Variants in VLDLR observed in about 807,000 individuals in gnomAD.
The protein encoded by VLDLR is very low-density lipoprotein receptor.
A neutral mutation model predicts 112.7 loss-of-function variants in VLDLR; 81 were observed. The ratio of observed to expected loss-of-function variants is 0.72; its 90% CI spans 0.60 to 0.86. The LOEUF (loss-of-function observed/expected upper bound fraction) is 0.86. VLDLR is among the 40% of genes least tolerant of loss of function. The pLI, the probability that VLDLR is intolerant of heterozygous loss-of-function variation, is 0.00. For synonymous variants in VLDLR, 436 were observed against 384.8 expected (o/e 1.13, Z -1.56); for missense variants, 1,237 against 1,099.4 (o/e 1.13, Z -1.77).
Position 2,654,034 on chromosome 9 carries a change from T to A in VLDLR, c.*166T>A. 1 of 661,940 alleles carries A rather than the reference T, an allele frequency of 1.5e-6. No individual in the cohort carries two copies. The highest frequency in any genetic ancestry group is 2.6e-6 in the Non-Finnish European group (1 of 378,960). The allele number at this position is 661,940 out of a possible 1,614,324, so 41.0% of individuals were successfully genotyped here. On this transcript the variant is annotated 3_prime_UTR_variant, in exon 19 of 19. Coordinates refer to ENST00000382100, the MANE Select transcript of VLDLR (RefSeq NM_003383.5). Reference sequence around the variant, plus strand: ...GTACTTGACCGTTTTTATATTACTTTTGTAAATATTCTTGTCCACATTCTA... The same window carrying A: ...GTACTTGACCGTTTTTATATTACTTATGTAAATATTCTTGTCCACATTCTA...
rs6146 is a variant in VLDLR at position 2,644,802 on chromosome 9, G to A, written c.1135G>A (p.Glu379Lys). 46 of 1,614,160 alleles carry A rather than the reference G, an allele frequency of 2.8e-5. No individual in the cohort carries two copies. The highest frequency in any genetic ancestry group is 2.0e-4 in the South Asian group (18 of 91,078). The change falls in exon 8 of 19, where the codon GAG (glutamate) becomes AAG (lysine). Residue 379 changes from glutamate (E) to lysine (K), a missense_variant. Coordinates refer to ENST00000382100, the MANE Select transcript of VLDLR (RefSeq NM_003383.5). The stretch of plus-strand genomic sequence containing the variant: ...CTGCAAAGACCTAGTTATAGGCTAC[G>A]AGTGTGACTGTGCAGCTGGGTTTGA... ...HICKDLVIGY[E>K]CDCAAGFELI...
At chr9:2,627,786 A>G (rs1473934847) in intron 1 of VLDLR, among the ~76,000 whole-genome samples, 1 of 147,786 alleles carries the variant, frequency 6.8e-6, no homozygotes, top group East Asian at 2.0e-4. Flanking sequence ...AATCGCTTGA[A>G]CCCGGGTGGC....
intron 1 of VLDLR, among the ~76,000 whole-genome samples, chr9:2,634,829 C>T (rs1817529173): frequency 6.6e-6 from 1 of 152,316 alleles, no homozygotes; most frequent in South Asian, 2.1e-4. Context: ...TCTATTTCTA[C>T]CCTATTCTTG....
At chr9:2,630,388 C>T (rs920905026) in intron 1 of VLDLR, among the ~76,000 whole-genome samples, 4 of 151,936 alleles carry the variant, frequency 2.6e-5, no homozygotes, top group Admixed American at 6.6e-5. Context: ...GGAAGGAATT[C>T]CAGCAAGTAA....
intron 14 of VLDLR, 111 bp from the exon 15 acceptor site, chr9:2,650,259 C>T: frequency 7.5e-7 from 1 of 1,337,624 alleles, no homozygotes; most frequent in East Asian, 2.4e-5. Context: ...GCAGAGTAGA[C>T]AAGTTTAAGC....
Position 2,658,287 on chromosome 9 carries a change from A to G in VLDLR, c.*4419A>G, listed in dbSNP as rs544292825. ...GATAACAGTGGTGTTCCATCTCTCT[A>G]TCATGTCTCCTGAGTCCGTTTCACG... On this transcript the variant is annotated 3_prime_UTR_variant, in exon 19 of 19. Coordinates refer to ENST00000382100, the MANE Select transcript of VLDLR (RefSeq NM_003383.5). The G allele has an allele frequency of 6.6e-5, 10 of 152,306 alleles. No homozygotes were observed. The South Asian group carries it at 8.3e-4, about 13-fold the overall frequency. The allele number at this position is 152,306 out of a possible 1,614,324, so 9.4% of individuals were successfully genotyped here. A position where few individuals can be genotyped will look rare whatever the true frequency, so the allele number is the denominator to read the frequency against.
chr9:2,622,072 T>C lies in VLDLR; in HGVS notation c.-118T>C. 1.0e-6 allele frequency: 1 copy of C among 993,506 alleles called. No homozygotes were observed. The highest frequency in any genetic ancestry group is 1.4e-6 in the Non-Finnish European group (1 of 708,858). The allele number at this position is 993,506 out of a possible 1,614,324, so 61.5% of individuals were successfully genotyped here. A position where few individuals can be genotyped will look rare whatever the true frequency, so the allele number is the denominator to read the frequency against. ...TCCCCCGCCAACTCCTTCCCCTCCT[T>C]CTCCCCCTTTCCCCTCCCCGCCCCC... On this transcript the variant is annotated 5_prime_UTR_variant, in exon 1 of 19. Coordinates refer to ENST00000382100, the MANE Select transcript of VLDLR (RefSeq NM_003383.5).
At chr9:2,624,800 C>T (rs982745860) in intron 1 of VLDLR, among the ~76,000 whole-genome samples, 2 of 152,194 alleles carry the variant, frequency 1.3e-5, no homozygotes, top group Non-Finnish European at 2.9e-5. Flanking sequence ...AGACTGATCA[C>T]TCATGTGAGC....
chr9:2,653,503 A>C (rs1397163302), intron 18 of VLDLR, among the ~76,000 whole-genome samples: 1 of 152,036 alleles, frequency 6.6e-6, no homozygotes, highest in East Asian at 1.9e-4. Context: ...AGTATTGATC[A>C]CTCCCCTCTC....
At chr9:2,647,614 G>A (rs747438890) in intron 12 of VLDLR, 22 bp downstream of exon 12, 8 of 1,579,376 alleles carry the variant, frequency 5.1e-6, no homozygotes, top group Non-Finnish European at 7.0e-6. Flanking sequence ...CTTCCTTCTC[G>A]ACCACCCACT....
intron 12 of VLDLR, chr9:2,647,799 C>G: frequency 1.5e-6 from 1 of 647,996 alleles, no homozygotes; most frequent in East Asian, 2.8e-5. Context: ...TGTTGTCCAG[C>G]TGGGCCTAAT....
chr9:2,628,332 C>T (rs546744267), intron 1 of VLDLR, among the ~76,000 whole-genome samples: 1 of 152,252 alleles, frequency 6.6e-6, no homozygotes, highest in African/African-American at 2.4e-5. Context: ...GAGCCCACTC[C>T]TGGTGAATGG....
In VLDLR at chr9:2,622,004, G is replaced by A; in HGVS notation, c.-186G>A. ...GCTGGGTGGGTGGGGAGGAGACTGT[G>A]CAAGTTGTAGGGGAGGGGGTGCCCT... On this transcript the variant is annotated 5_prime_UTR_variant, in exon 1 of 19. Transcript: ENST00000382100. The A allele has an allele frequency of 7.7e-6, 5 of 648,318 alleles. No individual in the cohort carries two copies. Among genetic ancestry groups the A allele is most frequent in the Non-Finnish European group, 1.3e-5 (5 of 371,498 alleles). 40.2% of individuals were successfully genotyped at this position (648,318 alleles called of 1,614,324 possible).
intron 1 of VLDLR, among the ~76,000 whole-genome samples, chr9:2,628,475 G>C (rs1408991497): frequency 1.3e-5 from 2 of 152,190 alleles, no homozygotes; most frequent in African/African-American, 2.4e-5. Context: ...GACCAATAGG[G>C]AAAAGTCTGA....
chr9:2,640,123 A>T, intron 3 of VLDLR, 142 bp downstream of exon 3: 3 of 1,331,322 alleles, frequency 2.3e-6, no homozygotes, highest in Non-Finnish European at 3.2e-6. Flanking sequence ...AGGGCAGTCA[A>T]ATCATTACCA....
At position 2,622,230 on chromosome 9, in the gene VLDLR, C is replaced by T; in HGVS notation, c.41C>T (p.Ala14Val). The change falls in exon 1 of 19, where the codon GCG becomes GTG. Residue 14 changes from alanine (A) to valine (V), a missense_variant. Physicochemically the swap from Ala to Val is moderately conservative, Grantham distance 64. Coordinates refer to ENST00000382100, the MANE Select transcript of VLDLR (RefSeq NM_003383.5). ...SALWALWLLL[A>V]LCWAPRESGA... Reference sequence around the variant, plus strand: ...CTCTGGGCGCTCTGGCTGCTGCTCGCGCTGTGCTGGGCGCCCCGGGAGAGC... The same window carrying T: ...CTCTGGGCGCTCTGGCTGCTGCTCGTGCTGTGCTGGGCGCCCCGGGAGAGC... 1 of 1,506,422 alleles carries T rather than the reference C, an allele frequency of 6.6e-7. No homozygotes were observed. The highest frequency in any genetic ancestry group is 8.8e-7 in the Non-Finnish European group (1 of 1,134,440). The allele number at this position is 1,506,422 out of a possible 1,614,324, so 93.3% of individuals were successfully genotyped here.
At position 2,623,226 on chromosome 9, in the gene VLDLR, G is replaced by A. The variant is rs553437496; in HGVS notation, c.82+955G>A. ...CGGGTCCCCAGACTCTGCCGCGGGG[G>A]CCTGGGGGCCCCGCCTGGTCGTCAG... is the stretch of plus-strand genomic sequence containing the variant. On this transcript the variant is annotated intron_variant, in intron 1 of 18. Coordinates refer to ENST00000382100, the MANE Select transcript of VLDLR (RefSeq NM_003383.5). 2.6e-5 allele frequency among the ~76,000 whole-genome samples: 4 copies of A among 152,272 alleles called. No individual in the cohort carries two copies. The South Asian group carries it at 6.2e-4, about 24-fold the overall frequency.
chr9:2,622,736 T>G (rs950548226), intron 1 of VLDLR, among the ~76,000 whole-genome samples: 20 of 152,062 alleles, frequency 1.3e-4, no homozygotes, highest in Admixed American at 3.9e-4. Context: ...GGTGAGCGCC[T>G]CCGGGGACGC....
intron 9 of VLDLR, 33 bp downstream of exon 9, chr9:2,645,115 CCT>C: frequency 6.2e-7 from 1 of 1,613,720 alleles, no homozygotes; most frequent in East Asian, 2.2e-5. Flanking sequence ...GGCTGTTGTA[CCT>C]TTATGAGTAA....
Sources: allele counts gnomAD v4.1 joint callset (sites outside exome capture counted in the v4.1 genomes callset), GRCh38; gene constraint gnomAD v4.1.1; transcripts MANE v1.5; gene names NCBI Gene and HGNC (gene_info 2026-07-23, HGNC 2026-07-21).